Variants in SYT2 observed in about 807,000 individuals in gnomAD.
SYT2 encodes synaptotagmin 2, also known as synaptotagmin-2.
SYT2 carries 15 observed loss-of-function variants against 39.9 expected under a neutral mutation model. The observed-to-expected ratio is 0.38, with a 90% CI of 0.25 to 0.58. The LOEUF is 0.58. Among genes scored for constraint, SYT2 ranks in the 20% least tolerant of loss-of-function variants. The pLI is 0.70. For missense variants in SYT2, 389 were observed against 530.3 expected (o/e 0.73, Z 2.62); for synonymous variants, 181 against 204.5 (o/e 0.89, Z 0.98).
chr1:202,639,118 T>A (rs1691830100), intron 1 of SYT2, among the ~76,000 whole-genome samples: 1 of 152,322 alleles, frequency 6.6e-6, no homozygotes, highest in South Asian at 2.1e-4. Context: ...ATAGCTGGCA[T>A]AACTGAGAGA....
chr1:202,625,940 A>G (rs1429094059), intron 1 of SYT2, among the ~76,000 whole-genome samples: 1 of 152,142 alleles, frequency 6.6e-6, no homozygotes, highest in Non-Finnish European at 1.5e-5. Context: ...AAGGCTGTGT[A>G]TGTGTATGTG....
In SYT2 at chr1:202,630,591, C is replaced by A. The variant is rs1691556969; in HGVS notation, c.-17-24802G>T. 2.0e-5 allele frequency among the ~76,000 whole-genome samples: 3 copies of A among 152,254 alleles called. No homozygotes were observed. The South Asian group carries it at 6.2e-4, about 32-fold the overall frequency. On this transcript the variant is annotated intron_variant, in intron 1 of 8. Transcript: ENST00000367268. ...ACAAACCACAGACCATGATGGGACC[C>A]CTCACAGCCACCACCCTGGAAAGTG...
chr1:202,696,226 C>A (rs778454750), intron 1 of SYT2, among the ~76,000 whole-genome samples: 2 of 152,126 alleles, frequency 1.3e-5, no homozygotes, highest in Non-Finnish European at 1.5e-5. Context: ...ATCGTGCCTC[C>A]CAGCTCAGAA....
At chr1:202,604,818 C>CTTTTTTTTTTTTTTT (rs59944538) in intron 2 of SYT2, among the ~76,000 whole-genome samples, 197 bp from the exon 3 acceptor site, 4 of 71,676 alleles carry the variant, frequency 5.6e-5, no homozygotes, top group Non-Finnish European at 9.9e-5. Flanking sequence ...TCATGCCTTG[C>CTTTTTTTTTTTTTTT]TTTTTTTTTT....
rs188039218 is a variant in SYT2 at position 202,660,904 on chromosome 1, C to G, written c.-18+49354G>C. Among the ~76,000 whole-genome samples, 36 of 152,282 alleles carry G rather than the reference C, an allele frequency of 2.4e-4. 1 individual carries two copies. The highest frequency in any genetic ancestry group is 8.4e-4 in the African/African-American group (35 of 41,558). The stretch of plus-strand genomic sequence containing the variant: ...CAGCACATTGCAAGCTTCGTCTCCC[C>G]CAGCCTTCCTTCTATCCGGACTTAA... On this transcript the variant is annotated intron_variant, in intron 1 of 8. Coordinates refer to ENST00000367268, the MANE Select transcript of SYT2 (RefSeq NM_177402.5).
intron 1 of SYT2, among the ~76,000 whole-genome samples, chr1:202,698,620 G>C (rs1654034544): frequency 6.6e-6 from 1 of 152,172 alleles, no homozygotes; most frequent in Admixed American, 6.5e-5. Context: ...AGACAGTCCA[G>C]ACTCTCCATC....
chr1:202,638,483 T>C (rs993452060), intron 1 of SYT2, among the ~76,000 whole-genome samples: 1 of 152,236 alleles, frequency 6.6e-6, no homozygotes, highest in Non-Finnish European at 1.5e-5. Flanking sequence ...GGCCATCTGC[T>C]CGGAGGCCTT....
At chr1:202,611,347 G>T (rs1260752731) in intron 1 of SYT2, among the ~76,000 whole-genome samples, 1 of 152,036 alleles carries the variant, frequency 6.6e-6, no homozygotes, top group Non-Finnish European at 1.5e-5. Context: ...TTGTGTGTGT[G>T]TGGTGTTTTT....
At chr1:202,709,534 G>C (rs1241131320) in intron 1 of SYT2, among the ~76,000 whole-genome samples, 1 of 152,230 alleles carries the variant, frequency 6.6e-6, no homozygotes, top group Non-Finnish European at 1.5e-5. Context: ...CCAGAAAAGG[G>C]AGTCGGGCTG....
chr1:202,613,903 A>G (rs1354278416), intron 1 of SYT2, among the ~76,000 whole-genome samples: 8 of 152,344 alleles, frequency 5.3e-5, no homozygotes, highest in African/African-American at 1.9e-4. Flanking sequence ...TCAATATAAA[A>G]TTGTGGAAAA....
intron 1 of SYT2, among the ~76,000 whole-genome samples, chr1:202,693,986 C>T (rs1040064312): frequency 1.3e-5 from 2 of 152,134 alleles, no homozygotes; most frequent in African/African-American, 4.8e-5. Context: ...GGGGGTGGTG[C>T]CACACACTTT....
chr1:202,602,159 G>T, intron 5 of SYT2, 102 bp from the exon 6 acceptor site: 1 of 1,429,304 alleles, frequency 7.0e-7, no homozygotes, highest in Non-Finnish European at 9.6e-7. Context: ...GTCCAGGTTA[G>T]TGTGCCGAGA....
intron 1 of SYT2, among the ~76,000 whole-genome samples, chr1:202,612,754 A>G (rs949242556): frequency 2.0e-5 from 3 of 152,216 alleles, no homozygotes; most frequent in Non-Finnish European, 4.4e-5. Flanking sequence ...AATTTCTACA[A>G]AATAGCTGGA....
At chr1:202,681,267 C>T (rs1653518439) in intron 1 of SYT2, among the ~76,000 whole-genome samples, 1 of 152,176 alleles carries the variant, frequency 6.6e-6, no homozygotes, top group African/African-American at 2.4e-5. Context: ...AAGGGATCCT[C>T]CCTCCATCCA....
At chr1:202,629,303 C>A (rs1691504100) in intron 1 of SYT2, among the ~76,000 whole-genome samples, 1 of 152,218 alleles carries the variant, frequency 6.6e-6, no homozygotes, top group Non-Finnish European at 1.5e-5. Flanking sequence ...TGGCTTCTTT[C>A]CTGCCCCTGT....
chr1:202,607,169 C>T (rs1364271588), intron 1 of SYT2, among the ~76,000 whole-genome samples: 1 of 152,156 alleles, frequency 6.6e-6, no homozygotes, highest in Non-Finnish European at 1.5e-5. Context: ...CAGGGCTATG[C>T]ACTTATTTCT....
chr1:202,690,170 G>A (rs754249371), intron 1 of SYT2, among the ~76,000 whole-genome samples: 5 of 151,986 alleles, frequency 3.3e-5, no homozygotes, highest in Admixed American at 2.6e-4. Context: ...ACCCACCCAC[G>A]GTCCTACTGA....
intron 1 of SYT2, among the ~76,000 whole-genome samples, chr1:202,673,346 A>G (rs1311724773): frequency 2.6e-5 from 4 of 152,226 alleles, no homozygotes; most frequent in Non-Finnish European, 5.9e-5. Context: ...ACCCAACGAT[A>G]TAATAAAATC....
intron 1 of SYT2, among the ~76,000 whole-genome samples, chr1:202,649,266 T>G (rs766007325): frequency 6.6e-6 from 1 of 152,054 alleles, no homozygotes; most frequent in Non-Finnish European, 1.5e-5. Context: ...GCTTTAGGGG[T>G]CTCCCAGATC....
Sources: allele counts gnomAD v4.1 joint callset (sites outside exome capture counted in the v4.1 genomes callset), GRCh38; gene constraint gnomAD v4.1.1; transcripts MANE v1.5; gene names NCBI Gene and HGNC (gene_info 2026-07-23, HGNC 2026-07-21).